Variants in NAA35 observed in about 807,000 individuals in gnomAD.
NAA35 encodes the protein N-alpha-acetyltransferase 35, NatC auxiliary subunit, also known as MAK10 homolog, amino-acid N-acetyltransferase subunit.
Under a neutral mutation model 101.7 loss-of-function variants are expected in NAA35, and 18 were observed. The observed-to-expected ratio is 0.18, with a 90% CI of 0.12 to 0.26. The LOEUF (loss-of-function observed/expected upper bound fraction) is 0.26. NAA35 is among the 10% of genes least tolerant of loss of function. NAA35 has a pLI of 1.00. For synonymous variants in NAA35, 267 were observed against 273.1 expected (o/e 0.98, Z 0.22); for missense variants, 601 against 886.8 (o/e 0.68, Z 4.09).
intron 2 of NAA35, among the ~76,000 whole-genome samples, chr9:85,944,063 G>C (rs1828642768): frequency 1.3e-5 from 2 of 152,188 alleles, no homozygotes; most frequent in Admixed American, 1.3e-4. Context: ...GCATAAGATT[G>C]AAAGTTTGTT....
In NAA35 at chr9:86,013,129, C is replaced by T. The variant is rs149529415; in HGVS notation, c.1374C>T (p.Ala458=). 2.2e-3 allele frequency: 3,487 copies of T among 1,593,260 alleles called. 72 individuals carry two copies. The South Asian group carries it at 0.027, about 12-fold the overall frequency. ...TTGGTCATATTCTTGAGGAATTTGCCACCTTGCAGGATGAGGTAAGAGCCA... is the reference window on the plus strand; with the variant it reads ...TTGGTCATATTCTTGAGGAATTTGCTACCTTGCAGGATGAGGTAAGAGCCA... ...DKLGHILEEF[A]TLQDEAEKVD... is the part of the protein sequence containing the mutation. The change falls in exon 16 of 23, where the codon GCC becomes GCT. Residue 458 remains alanine (A), a synonymous_variant. Coordinates refer to ENST00000361671, the MANE Select transcript of NAA35 (RefSeq NM_024635.4).
chr9:85,998,115 C>T (rs565940361), intron 12 of NAA35, among the ~76,000 whole-genome samples: 4 of 152,130 alleles, frequency 2.6e-5, no homozygotes, highest in East Asian at 3.9e-4. Context: ...GGGGTTTCAT[C>T]GTGTTAGCCA....
chr9:85,985,690 G>A (rs902494362), intron 11 of NAA35, among the ~76,000 whole-genome samples: 3 of 151,936 alleles, frequency 2.0e-5, no homozygotes, highest in South Asian at 4.2e-4. Flanking sequence ...CTCTGTTAAT[G>A]TATTAAAAAA....
Position 86,016,693 on chromosome 9 carries a change from T to G in NAA35, c.1705+18T>G, listed in dbSNP as rs758037356. Reference sequence around the variant, plus strand: ...AAAGAAAGGTGCTGTGGATTATTTTTAAACTTAAGAACAGAGTGTACTTTA... The same window carrying G: ...AAAGAAAGGTGCTGTGGATTATTTTGAAACTTAAGAACAGAGTGTACTTTA... On this transcript the variant is annotated intron_variant, in intron 18 of 22. Transcript: ENST00000361671. The G allele has an allele frequency of 3.7e-6, 6 of 1,605,350 alleles. No homozygotes were observed. The highest frequency in any genetic ancestry group is 5.1e-6 in the Non-Finnish European group (6 of 1,178,418).
chr9:85,993,417 C>G (rs1348061870), intron 11 of NAA35, among the ~76,000 whole-genome samples: 1 of 152,160 alleles, frequency 6.6e-6, no homozygotes, highest in East Asian at 1.9e-4. Context: ...GATCTGCCCA[C>G]CTTGGCCTCC....
intron 2 of NAA35, among the ~76,000 whole-genome samples, chr9:85,953,285 C>T (rs1054255708): frequency 1.4e-5 from 2 of 146,844 alleles, no homozygotes; most frequent in Admixed American, 1.4e-4. Flanking sequence ...GTATTTAATA[C>T]ATTTGTAATG....
rs139081858 is a variant in NAA35 at position 85,992,266 on chromosome 9, C to T, written c.878-4133C>T. On this transcript the variant is annotated intron_variant, in intron 11 of 22. Coordinates refer to ENST00000361671, the MANE Select transcript of NAA35 (RefSeq NM_024635.4). The stretch of plus-strand genomic sequence containing the variant: ...GAACTTGAAGGGGATCTCACGTGGT[C>T]AAAATTAGCAAAAACTTAAGCATCA... 1.3e-3 allele frequency among the ~76,000 whole-genome samples: 205 copies of T among 151,898 alleles called. 7 individuals are homozygous for T. In the East Asian group the frequency reaches 0.03, roughly 22 times the overall value.
At chr9:86,001,146 C>T (rs753087949) in intron 12 of NAA35, among the ~76,000 whole-genome samples, 2 of 152,120 alleles carry the variant, frequency 1.3e-5, no homozygotes, top group African/African-American at 4.8e-5. Context: ...ATTATTTACC[C>T]AAAAGGCATT....
At chr9:85,999,216 G>A (rs1831310017) in intron 12 of NAA35, among the ~76,000 whole-genome samples, 2 of 152,120 alleles carry the variant, frequency 1.3e-5, no homozygotes, top group East Asian at 1.9e-4. Context: ...AGGTTCAGAC[G>A]TTCTAAAGTA....
intron 1 of NAA35, 144 bp from the exon 2 acceptor site, chr9:85,942,011 C>T (rs1405642133): frequency 3.0e-6 from 4 of 1,327,810 alleles, no homozygotes; most frequent in Non-Finnish European, 3.0e-6. Context: ...TTATTCTTTG[C>T]AGTACTGTCC....
At chr9:86,012,487 A>G (rs142708831) in intron 15 of NAA35, among the ~76,000 whole-genome samples, 227 of 152,274 alleles carry the variant, frequency 1.5e-3, no homozygotes, top group Non-Finnish European at 2.8e-3. Flanking sequence ...AAATGAGATA[A>G]TATCTGTCAC....
At chr9:86,007,533 C>A in intron 14 of NAA35, 69 bp downstream of exon 14, 2 of 1,108,742 alleles carry the variant, frequency 1.8e-6, no homozygotes, top group South Asian at 1.4e-5. Context: ...CTCTGTACTC[C>A]TTCTTTATAG....
intron 6 of NAA35, chr9:85,966,509 C>T (rs1587587278): frequency 1.6e-6 from 1 of 629,062 alleles, no homozygotes; most frequent in Non-Finnish European, 2.3e-6. Context: ...TTTAGCTTCA[C>T]TATAATCCAG....
intron 17 of NAA35, among the ~76,000 whole-genome samples, 163 bp from the exon 18 acceptor site, chr9:86,016,372 AAATT>A (rs1476523261): frequency 2.3e-4 from 35 of 152,340 alleles, no homozygotes; most frequent in Non-Finnish European, 4.9e-4. Flanking sequence ...TAGAAAGGGA[AAATT>A]AATCCTTATG....
intron 11 of NAA35, among the ~76,000 whole-genome samples, chr9:85,979,460 C>T (rs1168067077): frequency 6.6e-6 from 1 of 152,116 alleles, no homozygotes; most frequent in East Asian, 1.9e-4. Context: ...TAAAAGCATG[C>T]CAGGGCAAAT....
chr9:85,972,509 CAAAAAAAAAAAAA>C (rs34535924), intron 6 of NAA35, among the ~76,000 whole-genome samples: 1 of 53,996 alleles, frequency 1.9e-5, no homozygotes, highest in African/African-American at 7.4e-5. Context: ...GACCCTGTCT[CAAAAAAAAAAAAA>C]AAAAAAAAAA....
intron 11 of NAA35, chr9:85,986,396 AG>A: frequency 2.1e-6 from 1 of 469,774 alleles, no homozygotes; most frequent in Admixed American, 2.3e-5. Flanking sequence ...AAGTGTGTGC[AG>A]GCATGTAATT....
intron 11 of NAA35, among the ~76,000 whole-genome samples, chr9:85,990,104 G>C (rs1830838261): frequency 6.6e-6 from 1 of 152,232 alleles, no homozygotes; most frequent in African/African-American, 2.4e-5. Flanking sequence ...TGCATGCTCA[G>C]CTTCTGGTGA....
intron 11 of NAA35, among the ~76,000 whole-genome samples, chr9:85,995,690 T>G (rs1454195729): frequency 6.6e-6 from 1 of 152,190 alleles, no homozygotes; most frequent in Non-Finnish European, 1.5e-5. Context: ...GAACTTTGAA[T>G]AAAAAATTCT....
Sources: gnomAD v4.1 joint callset for allele counts (sites outside exome capture counted in the v4.1 genomes callset) on GRCh38, gnomAD v4.1.1 for gene constraint, MANE v1.5 for transcripts, NCBI Gene and HGNC (gene_info 2026-07-23, HGNC 2026-07-21) for gene names.